The following FAT4 variants were observed in gnomAD, a reference collection of about 807,000 sequenced individuals.
FAT4 encodes protocadherin Fat 4.
In FAT4, 84 loss-of-function variants were observed where a neutral mutation model predicts 303.9. The ratio of observed to expected loss-of-function variants is 0.28; its 90% CI spans 0.23 to 0.33. The LOEUF (loss-of-function observed/expected upper bound fraction) is 0.33. FAT4 is among the 10% of genes least tolerant of loss of function. The pLI is 1.00. For missense variants in FAT4, 6,005 were observed against 6,146.8 expected, an observed-to-expected ratio of 0.98 and a Z score of 0.77; for synonymous variants, 2,307 against 2,298.8, an observed-to-expected ratio of 1.00 and a Z score of -0.10.
At chr4:125,336,380 T>G (rs1284529743) in intron 2 of FAT4, among the ~76,000 whole-genome samples, 1 of 152,022 alleles carries the variant, frequency 6.6e-6, no homozygotes, top group Non-Finnish European at 1.5e-5. Flanking sequence ...GAGTAGCATT[T>G]TCCAATTTAT....
chr4:125,371,074 G>T (rs1733089897), intron 2 of FAT4, among the ~76,000 whole-genome samples: 2 of 151,204 alleles, frequency 1.3e-5, no homozygotes, highest in Admixed American at 1.3e-4. Flanking sequence ...CTTAAATCTG[G>T]GAGGCAGAGG....
In FAT4 at chr4:125,398,876, C is replaced by T. The variant is rs747899632; in HGVS notation, c.5268C>T (p.Gly1756=). 2.0e-5 allele frequency: 32 copies of T among 1,613,208 alleles called. No homozygotes were observed. The East Asian group carries it at 6.7e-4, about 34-fold the overall frequency. ...DLTVEENIGD[G]SKIMQLTAMD... is the part of the protein sequence containing the mutation. ...CGGTAGAGGAGAACATTGGAGATGGCTCTAAGATTATGCAGCTGACAGCCA... is the reference window on the plus strand; with the variant it reads ...CGGTAGAGGAGAACATTGGAGATGGTTCTAAGATTATGCAGCTGACAGCCA... The change falls in exon 3 of 18, where the codon GGC becomes GGT. Residue 1756 remains glycine (G), a synonymous_variant. Coordinates refer to ENST00000394329, the MANE Select transcript of FAT4 (RefSeq NM_001291303.3).
At chr4:125,436,717 G>C (rs559341868) in intron 8 of FAT4, among the ~76,000 whole-genome samples, 1 of 152,164 alleles carries the variant, frequency 6.6e-6, no homozygotes, top group African/African-American at 2.4e-5. Flanking sequence ...TTGTACAGGG[G>C]AACTCCCATT....
rs1730751905 is a variant in FAT4, at chr4:125,318,503, A to G, written c.2092A>G (p.Ile698Val). 6.2e-7 allele frequency: 1 copy of G among 1,614,054 alleles called. No homozygotes were observed. The highest frequency in any genetic ancestry group is 1.3e-5 in the African/African-American group (1 of 74,918). The change falls in exon 2 of 18, where the codon ATT becomes GTT. Residue 698 changes from isoleucine (I) to valine (V), a missense_variant. Physicochemically the swap from Ile to Val is conservative, Grantham distance 29. Coordinates refer to ENST00000394329, the MANE Select transcript of FAT4 (RefSeq NM_001291303.3). ...CTACCCGGTCCAATACTTTGCTCAC[A>G]TTAAGGAGAATGAGCCTGGAGGTAG... ...VFYPVQYFAH[I>V]KENEPGGSYI...
rs1730635209 is a variant in FAT4 at position 125,317,029 on chromosome 4, C to A, written c.618C>A (p.Gly206=). The A allele has an allele frequency of 1.2e-6, 2 of 1,614,026 alleles. No homozygotes were observed. The highest frequency in any genetic ancestry group is 1.7e-6 in the Non-Finnish European group (2 of 1,180,030). The change falls in exon 2 of 18, where the codon GGC becomes GGA. Residue 206 remains glycine (G), a synonymous_variant. Transcript: ENST00000394329. This position sits in a 1 kb window ranked among gnomAD's most constrained non-coding sequence, Gnocchi z 7.0. ...CGTTCCTGCATCTGGTGTCCAAGGG[C>A]GGACTGGACCGTGAGGTCACTCCGC... ...EGAFLHLVSK[G]GLDREVTPQY...
intron 8 of FAT4, among the ~76,000 whole-genome samples, chr4:125,441,281 T>C (rs576714466): frequency 6.6e-6 from 1 of 152,300 alleles, no homozygotes; most frequent in East Asian, 1.9e-4. Flanking sequence ...AAGAATAGTA[T>C]GGCCAATGAT....
intron 2 of FAT4, among the ~76,000 whole-genome samples, chr4:125,353,693 A>T (rs1006063415): frequency 2.6e-5 from 4 of 151,710 alleles, no homozygotes; most frequent in Non-Finnish European, 5.9e-5. Context: ...GTATTGTTGT[A>T]AGGGAGATCT....
chr4:125,385,021 TATA>T (rs543928552), intron 2 of FAT4, among the ~76,000 whole-genome samples: 14,229 of 77,134 alleles, frequency 0.18, 938 homozygotes, highest in African/African-American at 0.23. Flanking sequence ...TATATATATA[TATA>T]TTTTTTTTTT....
chr4:125,320,933 A>G lies in FAT4; in HGVS notation c.4522A>G (p.Arg1508Gly), dbSNP rs1212766106. 1 of 1,614,216 alleles carries G rather than the reference A, an allele frequency of 6.2e-7. No individual in the cohort carries two copies. The highest frequency in any genetic ancestry group is 2.2e-5 in the East Asian group (1 of 44,888). Residue 1508 changes from arginine to glycine, a missense_variant, in exon 2 of 18, where the codon AGA becomes GGA. Transcript: ENST00000394329. The part of the protein sequence containing the change: ...ANDQAVPIET[R>G]RYALKNVTIL... ...TGATCAAGCTGTGCCAATAGAAACT[A>G]GACGGTATGCTTTGAAGAACGTGAC... is the stretch of plus-strand genomic sequence containing the variant.
intron 7 of FAT4, among the ~76,000 whole-genome samples, chr4:125,420,024 T>C (rs1180343892): frequency 6.6e-6 from 1 of 152,198 alleles, no homozygotes; most frequent in African/African-American, 2.4e-5. Context: ...TTTGGTTTGG[T>C]TTGGTGAGGG....
At position 125,410,379 on chromosome 4, in the gene FAT4, T is replaced by C. The variant is rs371696347; in HGVS notation, c.5920+1585T>C. Reference sequence around the variant, plus strand: ...GGCCTAAGAACATTGCACACTCTATTTCATGTACCTCATCCCAGGTCTGTG... The same window carrying C: ...GGCCTAAGAACATTGCACACTCTATCTCATGTACCTCATCCCAGGTCTGTG... On this transcript the variant is annotated intron_variant, in intron 5 of 17. Transcript: ENST00000394329. Among the ~76,000 whole-genome samples the C allele has an allele frequency of 5.3e-5, 8 of 152,274 alleles. 1 individual carries two copies. In the East Asian group the frequency reaches 1.5e-3, roughly 29 times the overall value.
intron 2 of FAT4, among the ~76,000 whole-genome samples, chr4:125,328,494 A>G (rs1482715285): frequency 6.6e-6 from 1 of 152,206 alleles, no homozygotes; most frequent in South Asian, 2.1e-4. Context: ...CAGTGAGTAA[A>G]AACCAAAGAA....
intron 7 of FAT4, among the ~76,000 whole-genome samples, chr4:125,423,741 G>A (rs148645759): frequency 1.3e-5 from 2 of 152,292 alleles, no homozygotes; most frequent in Non-Finnish European, 2.9e-5. Flanking sequence ...AGCTGGGAGT[G>A]GGACTGTACC....
chr4:125,422,378 T>TC (rs1230573473), intron 7 of FAT4, among the ~76,000 whole-genome samples: 9 of 152,280 alleles, frequency 5.9e-5, no homozygotes, highest in Admixed American at 5.9e-4. Flanking sequence ...GAATTGTGGT[T>TC]CCCATAATCC....
In FAT4 at chr4:125,452,243, G is replaced by C. The variant is rs1726113389; in HGVS notation, c.11233G>C (p.Gly3745Arg). 1 of 1,614,226 alleles carries C rather than the reference G, an allele frequency of 6.2e-7. No individual in the cohort carries two copies. Among genetic ancestry groups the C allele is most frequent in the Non-Finnish European group, 8.5e-7 (1 of 1,180,028 alleles). Residue 3745 changes from glycine (G) to arginine (R), a missense_variant, in exon 10 of 18, where the codon GGC (glycine) becomes CGC (arginine). By Grantham distance (125) the Gly-to-Arg change is moderately radical. Transcript: ENST00000394329. ...ACGCATTGCCAGCTCACAGCTGACA[G>C]GCTTAGGGACTGCTGTGCAACTGTA... is the stretch of plus-strand genomic sequence containing the variant. ...FLRIASSQLT[G>R]LGTAVQLYSA...
intron 7 of FAT4, among the ~76,000 whole-genome samples, chr4:125,432,991 A>C (rs1336169225): frequency 6.6e-6 from 1 of 152,180 alleles, no homozygotes; most frequent in African/African-American, 2.4e-5. Flanking sequence ...TTCATTCCAT[A>C]ATTTCCCCAT....
intron 7 of FAT4, among the ~76,000 whole-genome samples, chr4:125,426,629 T>G (rs1725097859): frequency 6.6e-6 from 1 of 152,072 alleles, no homozygotes; most frequent in East Asian, 1.9e-4. Flanking sequence ...ACATAGAATT[T>G]TATTTGTGTT....
At chr4:125,416,735 C>T (rs929433214) in intron 7 of FAT4, 113 bp downstream of exon 7, 3 of 1,042,512 alleles carry the variant, frequency 2.9e-6, no homozygotes, top group South Asian at 1.5e-5. Flanking sequence ...TACTTGAGGT[C>T]GGGAGTTCAA....
chr4:125,440,059 G>A (rs2126048839), intron 8 of FAT4, among the ~76,000 whole-genome samples: 2 of 152,042 alleles, frequency 1.3e-5, no homozygotes, highest in South Asian at 4.1e-4. Flanking sequence ...ATTAATTCAA[G>A]GTTTCTTTTT....
Sources: gnomAD v4.1 joint callset for allele counts (sites outside exome capture counted in the v4.1 genomes callset) on GRCh38, gnomAD v4.1.1 for gene constraint, Gnocchi (gnomAD v3.1) non-coding constraint, MANE v1.5 for transcripts, NCBI Gene and HGNC (gene_info 2026-07-23, HGNC 2026-07-21) for gene names.